TBC1D9B: variants seen among roughly 807,000 people sequenced by gnomAD.
TBC1D9B encodes the protein TBC1 domain family, member 9B (with GRAM domain).
In TBC1D9B, 87 loss-of-function variants were observed where a neutral mutation model predicts 121.1. That is an observed-to-expected ratio of 0.72 (90% CI 0.60 to 0.86). The LOEUF (loss-of-function observed/expected upper bound fraction) is 0.86. TBC1D9B is among the 40% of genes least tolerant of loss of function. TBC1D9B has a pLI of 0.00. For missense variants in TBC1D9B, 1,540 were observed against 1,628.6 expected, an observed-to-expected ratio of 0.95 and a Z score of 0.94; for synonymous variants, 668 against 670.1, an observed-to-expected ratio of 1.00 and a Z score of 0.05.
Position 179,899,303 on chromosome 5 carries a change from A to C in TBC1D9B, c.234T>G (p.Ser78=). 1 of 1,613,480 alleles carries C rather than the reference A, an allele frequency of 6.2e-7. No homozygotes were observed. The highest frequency in any genetic ancestry group is 8.5e-7 in the Non-Finnish European group (1 of 1,179,688). Residue 78 remains serine (S), a synonymous_variant, in exon 3 of 21, where the codon TCT becomes TCG. Transcript: ENST00000355235. ...SQVYWTVACG[S]SRKEITKHWE... is the part of the protein sequence containing the mutation. The stretch of plus-strand genomic sequence containing the variant: ...AGTGTTTTGTGATCTCTTTGCGGGA[A>C]GAACCTAGAAGAGGTTTGGTAAAGT...
chr5:179,879,875 G>T, intron 7 of TBC1D9B, 86 bp from the exon 8 acceptor site: 1 of 1,439,482 alleles, frequency 6.9e-7, no homozygotes, highest in Non-Finnish European at 9.2e-7. Flanking sequence ...GAGCTGGATC[G>T]GGGCCCGGTG....
intron 3 of TBC1D9B, among the ~76,000 whole-genome samples, chr5:179,897,371 G>A (rs1415906488): frequency 6.7e-6 from 1 of 149,940 alleles, no homozygotes; most frequent in Non-Finnish European, 1.5e-5. Context: ...GGAGTGCAGT[G>A]GTGTGATCTC....
In TBC1D9B at chr5:179,863,265, G is replaced by T; in HGVS notation, c.*183C>A. 1.5e-6 allele frequency: 1 copy of T among 673,510 alleles called. No individual in the cohort carries two copies. Among genetic ancestry groups the T allele is most frequent in the Non-Finnish European group, 2.4e-6 (1 of 414,020 alleles). The allele number at this position is 673,510 out of a possible 1,614,324, so 41.7% of individuals were successfully genotyped here. A position where few individuals can be genotyped will look rare whatever the true frequency, so the allele number is the denominator to read the frequency against. Reference sequence around the variant, plus strand: ...AAGCAGCCGGCGCCAGGAGATGCAGGCCCAGGGAATCTGTCTAAGGCAGCT... The same window carrying T: ...AAGCAGCCGGCGCCAGGAGATGCAGTCCCAGGGAATCTGTCTAAGGCAGCT... On this transcript the variant is annotated 3_prime_UTR_variant, in exon 21 of 21. Coordinates refer to ENST00000355235, the MANE Select transcript of TBC1D9B (RefSeq NM_015043.4). The surrounding 1 kb of genome is among the most constrained non-coding windows in gnomAD (Gnocchi z 4.5).
intron 7 of TBC1D9B, chr5:179,884,464 G>A (rs532699953): frequency 9.2e-5 from 14 of 152,280 alleles, no homozygotes; most frequent in African/African-American, 3.4e-4. Flanking sequence ...ATAGCACGGA[G>A]GTTCCTTGAA....
intron 5 of TBC1D9B, 132 bp downstream of exon 5, chr5:179,893,077 C>A: frequency 7.5e-7 from 1 of 1,329,282 alleles, no homozygotes; most frequent in Non-Finnish European, 1.0e-6. Flanking sequence ...GGCTTCCTTC[C>A]CAAGTGGGGA....
At position 179,890,946 on chromosome 5, in the gene TBC1D9B, C is replaced by A. The variant is rs1282532174; in HGVS notation, c.1044+433G>T. On this transcript the variant is annotated intron_variant, in intron 6 of 20. Coordinates refer to ENST00000355235, the MANE Select transcript of TBC1D9B (RefSeq NM_015043.4). The surrounding 1 kb of genome is among the most constrained non-coding windows in gnomAD (Gnocchi z 5.0). ...CCTCTGATGGCCTGCTGGAGCCGAGCCACGCCAAGGTGGTATGTCCAGAGA... is the reference window on the plus strand; with the variant it reads ...CCTCTGATGGCCTGCTGGAGCCGAGACACGCCAAGGTGGTATGTCCAGAGA... 6.6e-6 allele frequency among the ~76,000 whole-genome samples: 1 copy of A among 152,236 alleles called. No individual in the cohort carries two copies. The highest frequency in any genetic ancestry group is 2.4e-5 in the African/African-American group (1 of 41,466).
chr5:179,876,282 G>A (rs918350397), intron 10 of TBC1D9B, among the ~76,000 whole-genome samples: 3 of 152,230 alleles, frequency 2.0e-5, no homozygotes, highest in Non-Finnish European at 2.9e-5. Flanking sequence ...CCAACTCTGG[G>A]AAATGTCAAA....
In TBC1D9B at chr5:179,875,035, C is replaced by T. The variant is rs1304439065; in HGVS notation, c.2053G>A (p.Val685Met). 9 of 1,613,968 alleles carry T rather than the reference C, an allele frequency of 5.6e-6. No individual in the cohort carries two copies. The highest frequency in any genetic ancestry group is 1.7e-5 in the Admixed American group (1 of 60,012). Residue 685 changes from valine (V) to methionine (M), a missense_variant, in exon 12 of 21, where the codon GTG becomes ATG. Coordinates refer to ENST00000355235, the MANE Select transcript of TBC1D9B (RefSeq NM_015043.4). This position sits in a 1 kb window ranked among gnomAD's most constrained non-coding sequence, Gnocchi z 4.5. ...TAGAAAAAGCAGTCGACGATGACCA[C>T]GGCGCTCTCGAAGGGCATGACGCTG... Reference protein sequence around the residue: ...FLSVMPFESAVVIVDCFFYEG... With the variant: ...FLSVMPFESAMVIVDCFFYEG...
rs1442676958 is a variant in TBC1D9B at position 179,863,171 on chromosome 5, C to G, written c.*277G>C. 1 of 472,470 alleles carries G rather than the reference C, an allele frequency of 2.1e-6. No homozygotes were observed. The highest frequency in any genetic ancestry group is 3.8e-6 in the Non-Finnish European group (1 of 263,558). 29.3% of individuals were successfully genotyped at this position (472,470 alleles called of 1,614,324 possible). On this transcript the variant is annotated 3_prime_UTR_variant, in exon 21 of 21. Coordinates refer to ENST00000355235, the MANE Select transcript of TBC1D9B (RefSeq NM_015043.4). This position sits in a 1 kb window ranked among gnomAD's most constrained non-coding sequence, Gnocchi z 4.5. ...GAGAGCCTGTAATGCTAGGCAGGTGCAGCTGGTGCGAGGCGGGCTCCCACC... is the reference window on the plus strand; with the variant it reads ...GAGAGCCTGTAATGCTAGGCAGGTGGAGCTGGTGCGAGGCGGGCTCCCACC...
In TBC1D9B at chr5:179,904,038, A is replaced by G. The variant is rs1208853551; in HGVS notation, c.229+664T>C. On this transcript the variant is annotated intron_variant, in intron 2 of 20. Coordinates refer to ENST00000355235, the MANE Select transcript of TBC1D9B (RefSeq NM_015043.4). The surrounding 1 kb of genome is among the most constrained non-coding windows in gnomAD (Gnocchi z 4.2). ...GTATTGATTTGGGGATTGCAAATAC[A>G]TTTTATTGAGTAGGCCAATTTGCAA... 1.3e-5 allele frequency among the ~76,000 whole-genome samples: 2 copies of G among 152,120 alleles called. No individual in the cohort carries two copies. The highest frequency in any genetic ancestry group is 2.4e-5 in the African/African-American group (1 of 41,432).
rs1228516232 is a variant in TBC1D9B, at chr5:179,894,419, G to T, written c.544C>A (p.Leu182Met). ...CCCAGCAGGAAGGAGTAGAAGCACAGGTGGTTGACCGTCAGGTACAGCCAG... is the reference window on the plus strand; with the variant it reads ...CCCAGCAGGAAGGAGTAGAAGCACATGTGGTTGACCGTCAGGTACAGCCAG... ...QGWLYLTVNH[L>M]CFYSFLLGKE... is the part of the protein sequence containing the mutation. Residue 182 changes from leucine (L) to methionine (M), a missense_variant, in exon 4 of 21, where the codon CTG becomes ATG. Transcript: ENST00000355235. The T allele has an allele frequency of 1.2e-6, 2 of 1,613,926 alleles. No homozygotes were observed. Among genetic ancestry groups the T allele is most frequent in the South Asian group, 2.2e-5 (2 of 91,056 alleles).
In TBC1D9B at chr5:179,869,731, G is replaced by A. The variant is rs181113471; in HGVS notation, c.2791+38C>T. 100 of 1,607,826 alleles carry A rather than the reference G, an allele frequency of 6.2e-5. No individual in the cohort carries two copies. In the African/African-American group the frequency reaches 1.1e-3, roughly 18 times the overall value. On this transcript the variant is annotated intron_variant, in intron 17 of 20. Transcript: ENST00000355235. ...TCTGCAGCTGAACTTCTGGACAAGT[G>A]GGAGACCCTGGCTGGGGAGTGGGCA...
chr5:179,863,588 C>T lies in TBC1D9B; in HGVS notation c.3562G>A (p.Ala1188Thr). 1.2e-6 allele frequency: 2 copies of T among 1,614,160 alleles called. No individual in the cohort carries two copies. Among genetic ancestry groups the T allele is most frequent in the Non-Finnish European group, 1.7e-6 (2 of 1,180,052 alleles). Residue 1188 changes from alanine to threonine, a missense_variant, in exon 21 of 21, where the codon GCC (alanine) becomes ACC (threonine). Ala to Thr is a moderately conservative substitution (Grantham distance 58, BLOSUM62 0). Transcript: ENST00000355235. This position sits in a 1 kb window ranked among gnomAD's most constrained non-coding sequence, Gnocchi z 4.5. ...AGCACGGACTCCGTCAGGATGGAGGCCAGGATCTGCTCAAAGGAGATGCAC... is the reference window on the plus strand; with the variant it reads ...AGCACGGACTCCGTCAGGATGGAGGTCAGGATCTGCTCAAAGGAGATGCAC... ...DWCISFEQIL[A>T]SILTESVLVN...
Position 179,864,022 on chromosome 5 carries a change from C to G in TBC1D9B, c.3128G>C (p.Arg1043Pro). The change falls in exon 21 of 21, where the codon CGC becomes CCC. Residue 1043 changes from arginine (R) to proline (P), a missense_variant. Transcript: ENST00000355235. ...AIATVASLLLRIGEVGKKFSA... is the reference protein window; with the variant it reads ...AIATVASLLLPIGEVGKKFSA... ...GAACTTCTTCCCCACCTCTCCGATG[C>G]GGAGCAGGAGGCTGGCCACGGTGGC... 1 of 1,613,722 alleles carries G rather than the reference C, an allele frequency of 6.2e-7. No homozygotes were observed. Among genetic ancestry groups the G allele is most frequent in the South Asian group, 1.1e-5 (1 of 91,076 alleles).
At chr5:179,878,733 G>A (rs114669714) in intron 9 of TBC1D9B, among the ~76,000 whole-genome samples, 2,952 of 152,284 alleles carry the variant, frequency 0.019, 62 homozygotes, top group African/African-American at 0.061. Context: ...CAGCAACCAC[G>A]GGTGTGAATG....
intron 17 of TBC1D9B, chr5:179,869,094 TC>T (rs1431443748): frequency 1.2e-5 from 2 of 163,448 alleles, no homozygotes; most frequent in Non-Finnish European, 2.7e-5. Context: ...ATTCTAAACA[TC>T]CCCGGGGTCG....
chr5:179,875,908 G>A lies in TBC1D9B; in HGVS notation c.1900+12C>T, dbSNP rs1487055928. ...TGGAGACCCAGGCGAGGCAGCACCC[G>A]GGGACACTCACCCACCACCCTGGTG... On this transcript the variant is annotated intron_variant, in intron 11 of 20. Coordinates refer to ENST00000355235, the MANE Select transcript of TBC1D9B (RefSeq NM_015043.4). The surrounding 1 kb of genome is among the most constrained non-coding windows in gnomAD (Gnocchi z 4.5). The A allele has an allele frequency of 8.8e-6, 14 of 1,593,826 alleles. No homozygotes were observed. The highest frequency in any genetic ancestry group is 3.5e-5 in the Admixed American group (2 of 57,750).
At chr5:179,893,572 G>A in intron 4 of TBC1D9B, 105 bp from the exon 5 acceptor site, 1 of 1,431,300 alleles carries the variant, frequency 7.0e-7, no homozygotes, top group South Asian at 1.4e-5. Context: ...CTCTCTGGGG[G>A]CAGCACTTCC....
At chr5:179,878,000 GAGCAC>G (rs937261920) in intron 10 of TBC1D9B, among the ~76,000 whole-genome samples, 1 of 152,182 alleles carries the variant, frequency 6.6e-6, no homozygotes, top group Non-Finnish European at 1.5e-5. Context: ...AATGTGCTTA[GAGCAC>G]TGAGCTGCAC....
Sources: gnomAD v4.1 joint callset for allele counts (sites outside exome capture counted in the v4.1 genomes callset) on GRCh38, gnomAD v4.1.1 for gene constraint, Gnocchi (gnomAD v3.1) non-coding constraint, MANE v1.5 for transcripts, NCBI Gene and HGNC (gene_info 2026-07-23, HGNC 2026-07-21) for gene names.